The following NCALD variants were observed in gnomAD, a reference collection of about 807,000 sequenced individuals.
The protein encoded by NCALD is neurocalcin delta.
A neutral mutation model predicts 18.6 loss-of-function variants in NCALD; 10 were observed. The ratio of observed to expected loss-of-function variants is 0.54; its 90% CI spans 0.33 to 0.91. NCALD has a LOEUF of 0.91. Ranked by LOEUF, NCALD falls within the 40% of genes least tolerant of loss-of-function variation. NCALD has a pLI of 0.03. For synonymous variants in NCALD, 88 were observed against 87.4 expected (o/e 1.01, Z -0.04); for missense variants, 184 against 247.6 (o/e 0.74, Z 1.72).
chr8:101,890,024 C>G (rs568224357), intron 3 of NCALD, among the ~76,000 whole-genome samples: 1 of 151,928 alleles, frequency 6.6e-6, no homozygotes, highest in Non-Finnish European at 1.5e-5. Context: ...AATTTGCAGC[C>G]GTAATATGAA....
intron 4 of NCALD, among the ~76,000 whole-genome samples, chr8:101,798,275 A>C (rs1812715231): frequency 6.6e-6 from 1 of 152,238 alleles, no homozygotes; most frequent in South Asian, 2.1e-4. Flanking sequence ...TCTGCAAAAC[A>C]AACAAAACTT....
At chr8:102,003,577 A>T (rs542715652) in intron 2 of NCALD, among the ~76,000 whole-genome samples, 1 of 152,350 alleles carries the variant, frequency 6.6e-6, no homozygotes, top group South Asian at 2.1e-4. Context: ...GACACAACAA[A>T]AAGAGAATTT....
intron 2 of NCALD, among the ~76,000 whole-genome samples, chr8:101,983,206 G>A (rs553030261): frequency 6.6e-6 from 1 of 152,296 alleles, no homozygotes; most frequent in South Asian, 2.1e-4. Context: ...CAGGTAGTGA[G>A]GGCTGCTGTC....
At chr8:101,891,299 A>G (rs1408793104) in intron 3 of NCALD, among the ~76,000 whole-genome samples, 1 of 152,232 alleles carries the variant, frequency 6.6e-6, no homozygotes, top group Non-Finnish European at 1.5e-5. Context: ...CATCCTTGAC[A>G]ATCACTAATC....
chr8:101,832,009 A>G (rs1029480802), intron 4 of NCALD, among the ~76,000 whole-genome samples: 1 of 152,192 alleles, frequency 6.6e-6, no homozygotes, highest in Non-Finnish European at 1.5e-5. Flanking sequence ...CCTCTTAAGC[A>G]AACCAAACCT....
intron 1 of NCALD, among the ~76,000 whole-genome samples, chr8:102,097,903 C>A (rs1825155669): frequency 6.6e-6 from 1 of 152,196 alleles, no homozygotes; most frequent in Admixed American, 6.5e-5. Flanking sequence ...GCAGCCAACA[C>A]AAATCACAAC....
chr8:101,917,853 A>G (rs539611702), intron 2 of NCALD, among the ~76,000 whole-genome samples: 44 of 152,204 alleles, frequency 2.9e-4, no homozygotes, highest in African/African-American at 9.6e-4. Flanking sequence ...TACCTATCAA[A>G]AAAACCTCAG....
chr8:101,782,883 C>G (rs1030496140), intron 1 of NCALD, among the ~76,000 whole-genome samples: 1 of 152,212 alleles, frequency 6.6e-6, no homozygotes, highest in African/African-American at 2.4e-5. Context: ...GTGTGGAAGA[C>G]GTAGCTCTGG....
chr8:102,060,049 C>G (rs1484578058), intron 1 of NCALD, among the ~76,000 whole-genome samples: 1 of 152,158 alleles, frequency 6.6e-6, no homozygotes, highest in Non-Finnish European at 1.5e-5. Flanking sequence ...GGTGCAATCT[C>G]AGCTCACTGC....
chr8:101,929,059 G>T lies in NCALD; in HGVS notation c.-156-13201C>A, dbSNP rs1325980786. Among the ~76,000 whole-genome samples the T allele has an allele frequency of 2.0e-5, 3 of 151,592 alleles. No individual in the cohort carries two copies. The East Asian group carries it at 5.9e-4, about 30-fold the overall frequency. ...GAACTCAGGACACACTCTTTTGTGG[G>T]TATTCCCATATTATGTGATAGTCGG... On this transcript the variant is annotated intron_variant, in intron 2 of 6. Coordinates refer to the NCALD transcript ENST00000311028.
intron 2 of NCALD, among the ~76,000 whole-genome samples, chr8:101,923,043 G>A (rs1217495429): frequency 6.6e-6 from 1 of 152,036 alleles, no homozygotes; most frequent in Non-Finnish European, 1.5e-5. Context: ...CATCATGAGG[G>A]CTCATCCCTC....
chr8:102,044,262 T>C (rs1178012827), intron 1 of NCALD, among the ~76,000 whole-genome samples: 1 of 152,006 alleles, frequency 6.6e-6, no homozygotes, highest in Non-Finnish European at 1.5e-5. Context: ...TGTAAAGTTA[T>C]TATTTATGAA....
chr8:102,087,914 T>G (rs1364673759), intron 1 of NCALD, among the ~76,000 whole-genome samples: 1 of 152,072 alleles, frequency 6.6e-6, no homozygotes, highest in Admixed American at 6.6e-5. Flanking sequence ...TCTCTCTCTC[T>G]CTCTCTCTCT....
chr8:101,719,468 G>T lies in NCALD; in HGVS notation c.162C>A (p.Asn54Lys), dbSNP rs776761628. Residue 54 changes from asparagine (N) to lysine (K), a missense_variant, in exon 2 of 4, where the codon AAC (asparagine) becomes AAA (lysine). Asn to Lys is a moderately conservative substitution (Grantham distance 94). Transcript: ENST00000220931. ...TGGAAGCATCCCCATAAGGGAAAAA[G>T]TTCCCATATATTTTCTTAAACTCTT... ...SMEEFKKIYG[N>K]FFPYGDASKF... 2 of 1,614,078 alleles carry T rather than the reference G, an allele frequency of 1.2e-6. No individual in the cohort carries two copies. Among genetic ancestry groups the T allele is most frequent in the African/African-American group, 2.7e-5 (2 of 74,928 alleles).
intron 2 of NCALD, among the ~76,000 whole-genome samples, chr8:101,953,474 T>C (rs1819508902): frequency 6.6e-6 from 1 of 152,210 alleles, no homozygotes; most frequent in South Asian, 2.1e-4. Flanking sequence ...CTAAATGGTG[T>C]GTAAAACAAA....
At chr8:102,049,158 A>G (rs1053565285) in intron 1 of NCALD, among the ~76,000 whole-genome samples, 6 of 152,228 alleles carry the variant, frequency 3.9e-5, no homozygotes, top group Non-Finnish European at 7.3e-5. Context: ...GCCAGTAGCC[A>G]TCTGTATCCA....
Position 101,725,070 on chromosome 8 carries a change from C to A in NCALD, c.-19-5422G>T, listed in dbSNP as rs187325707. Among the ~76,000 whole-genome samples the A allele has an allele frequency of 7.2e-5, 11 of 152,280 alleles. No homozygotes were observed. In the East Asian group the frequency reaches 2.1e-3, roughly 29 times the overall value. On this transcript the variant is annotated intron_variant, in intron 1 of 3. Transcript: ENST00000220931. ...TTTTCATGGTGATGTGGACAGGAGG[C>A]AGGGAAATACTGGGTAGAAGAGGGT...
At chr8:102,088,260 G>A (rs1824805460) in intron 1 of NCALD, among the ~76,000 whole-genome samples, 1 of 152,140 alleles carries the variant, frequency 6.6e-6, no homozygotes, top group African/African-American at 2.4e-5. Context: ...TAGGGAGTGA[G>A]TTATTCCTGA....
chr8:102,022,716 G>A (rs1563550070), intron 1 of NCALD, among the ~76,000 whole-genome samples: 1 of 152,242 alleles, frequency 6.6e-6, no homozygotes, highest in East Asian at 1.9e-4. Context: ...TGATGAACTA[G>A]AGCAATACTT....
Sources: allele counts gnomAD v4.1 joint callset (sites outside exome capture counted in the v4.1 genomes callset), GRCh38; gene constraint gnomAD v4.1.1; transcripts MANE v1.5; gene names NCBI Gene and HGNC (gene_info 2026-07-23, HGNC 2026-07-21).